Variants in USP7 observed in about 807,000 individuals in gnomAD.
USP7 encodes the protein ubiquitin C-terminal hydrolase 7.
In USP7, 9 loss-of-function variants were observed where a neutral mutation model predicts 162.9. The ratio of observed to expected loss-of-function variants is 0.06; its 90% CI spans 0.03 to 0.10. The LOEUF is 0.10. USP7 is among the 10% of genes least tolerant of loss of function. The pLI, the probability that USP7 is intolerant of heterozygous loss-of-function variation, is 1.00. For synonymous variants in USP7, 562 were observed against 475.9 expected, an observed-to-expected ratio of 1.18 and a Z score of -2.35; for missense variants, 715 against 1,373.7, an observed-to-expected ratio of 0.52 and a Z score of 7.58.
At chr16:8,916,191 G>A (rs1897360567) in intron 8 of USP7, among the ~76,000 whole-genome samples, 1 of 152,122 alleles carries the variant, frequency 6.6e-6, no homozygotes. Context: ...GGACCAACGG[G>A]ACAGCCAACA....
At chr16:8,934,249 G>T (rs1898549485) in intron 1 of USP7, among the ~76,000 whole-genome samples, 1 of 152,128 alleles carries the variant, frequency 6.6e-6, no homozygotes, top group African/African-American at 2.4e-5. Flanking sequence ...TCTAAAGTGT[G>T]GAAAATAATC....
chr16:8,923,580 TAC>T (rs1567227373), intron 2 of USP7, among the ~76,000 whole-genome samples, 167 bp from the exon 3 acceptor site: 1 of 152,196 alleles, frequency 6.6e-6, no homozygotes, highest in Non-Finnish European at 1.5e-5. Context: ...TGAGATAACA[TAC>T]AGTTTCTGAA....
Position 8,948,664 on chromosome 16 carries a change from C to T in USP7, c.79+14543G>A, listed in dbSNP as rs184278943. On this transcript the variant is annotated intron_variant, in intron 1 of 30. Transcript: ENST00000344836. ...AATATTATTCTGCGAGAAAAGGGAACGACTACTGGCTACGATGTGGATGAA... is the reference window on the plus strand; with the variant it reads ...AATATTATTCTGCGAGAAAAGGGAATGACTACTGGCTACGATGTGGATGAA... Among the ~76,000 whole-genome samples, 10 of 152,268 alleles carry T rather than the reference C, an allele frequency of 6.6e-5. No homozygotes were observed. The East Asian group carries it at 7.7e-4, about 12-fold the overall frequency.
intron 4 of USP7, 74 bp from the exon 5 acceptor site, chr16:8,920,521 G>A (rs950563151): frequency 7.9e-7 from 1 of 1,263,946 alleles, no homozygotes; most frequent in Non-Finnish European, 1.1e-6. Context: ...AATTACATTA[G>A]TGCCCTGTAC....
intron 1 of USP7, among the ~76,000 whole-genome samples, chr16:8,959,336 C>A (rs1484683808): frequency 6.9e-6 from 1 of 145,250 alleles, no homozygotes; most frequent in African/African-American, 2.5e-5. Flanking sequence ...ACCTCTTTCT[C>A]CTTTTCCAAA....
chr16:8,946,505 A>G (rs571832668), intron 1 of USP7, among the ~76,000 whole-genome samples: 17 of 152,368 alleles, frequency 1.1e-4, no homozygotes, highest in African/African-American at 4.1e-4. Context: ...CGAGCTACAG[A>G]CCAGCAGAAA....
chr16:8,895,226 A>G, intron 27 of USP7, 76 bp from the exon 28 acceptor site: 1 of 1,607,306 alleles, frequency 6.2e-7, no homozygotes, highest in Non-Finnish European at 8.5e-7. Flanking sequence ...CAATTCTCAC[A>G]CTACTCTAAC....
chr16:8,918,669 C>T (rs1040961471), intron 6 of USP7, among the ~76,000 whole-genome samples: 3 of 152,050 alleles, frequency 2.0e-5, no homozygotes, highest in Non-Finnish European at 4.4e-5. Context: ...ATTAGCTGGC[C>T]GTGGTGGCGG....
chr16:8,935,923 T>C (rs969521211), intron 1 of USP7: 4 of 152,256 alleles, frequency 2.6e-5, no homozygotes, highest in South Asian at 2.1e-4. Context: ...GGAAGTTACG[T>C]AGACCACTTC....
intron 1 of USP7, among the ~76,000 whole-genome samples, chr16:8,959,256 C>G (rs1450714543): frequency 6.6e-6 from 1 of 152,064 alleles, no homozygotes; most frequent in Non-Finnish European, 1.5e-5. Context: ...AGATTCAAAC[C>G]CAGGCATGGC....
intron 1 of USP7, among the ~76,000 whole-genome samples, chr16:8,957,929 G>A (rs1016081438): frequency 3.3e-5 from 5 of 152,006 alleles, no homozygotes; most frequent in South Asian, 2.1e-4. Flanking sequence ...TTACATTAAC[G>A]TTAAAAGCAA....
Position 8,936,723 on chromosome 16 carries a change from A to T in USP7, c.80-6326T>A. ...GAGCTCTACCTCAGCATTCTTTTTT[A>T]TTTTTTAAAGCATCCCACAGAAGCC... On this transcript the variant is annotated intron_variant, in intron 1 of 30. Coordinates refer to ENST00000344836, the MANE Select transcript of USP7 (RefSeq NM_003470.3). 4 of 1,407,776 alleles carry T rather than the reference A, an allele frequency of 2.8e-6. No homozygotes were observed. The South Asian group carries it at 4.4e-5, about 16-fold the overall frequency. The allele number at this position is 1,407,776 out of a possible 1,614,324, so 87.2% of individuals were successfully genotyped here.
chr16:8,907,666 A>G (rs1284360465), intron 12 of USP7, among the ~76,000 whole-genome samples: 1 of 152,122 alleles, frequency 6.6e-6, no homozygotes, highest in Non-Finnish European at 1.5e-5. Context: ...GCATAGTGAA[A>G]CCCTGTCTCT....
At chr16:8,959,405 A>T (rs570916898) in intron 1 of USP7, among the ~76,000 whole-genome samples, 1 of 152,104 alleles carries the variant, frequency 6.6e-6, no homozygotes, top group South Asian at 2.1e-4. Flanking sequence ...AGTATCGATC[A>T]TTTCATTACA....
At position 8,899,789 on chromosome 16, in the gene USP7, C is replaced by G. The variant is rs377045597; in HGVS notation, c.2310-32G>C. ...GAGGGAGAAAGTTTGCAGTCTGAATCAAAGTCCATGGCAGGGGGTAGCTGG... is the reference window on the plus strand; with the variant it reads ...GAGGGAGAAAGTTTGCAGTCTGAATGAAAGTCCATGGCAGGGGGTAGCTGG... On this transcript the variant is annotated intron_variant, in intron 21 of 30. Transcript: ENST00000344836. The G allele has an allele frequency of 4.3e-6, 7 of 1,613,634 alleles. No homozygotes were observed. The African/African-American group carries it at 9.3e-5, about 22-fold the overall frequency.
chr16:8,907,886 C>T (rs1031012345), intron 12 of USP7, among the ~76,000 whole-genome samples: 1 of 152,206 alleles, frequency 6.6e-6, no homozygotes, highest in Non-Finnish European at 1.5e-5. Context: ...ACTACTTTAG[C>T]ATTCTTGAAA....
At chr16:8,927,099 C>A (rs1898047494) in intron 2 of USP7, among the ~76,000 whole-genome samples, 1 of 152,104 alleles carries the variant, frequency 6.6e-6, no homozygotes, top group Non-Finnish European at 1.5e-5. Flanking sequence ...CGAGGCGAAT[C>A]ATGAGGTCAG....
chr16:8,912,741 CAGCAAG>C (rs2061967641), intron 10 of USP7, among the ~76,000 whole-genome samples: 1 of 149,764 alleles, frequency 6.7e-6, no homozygotes, highest in Non-Finnish European at 1.5e-5. Flanking sequence ...TGGCCTAACA[CAGCAAG>C]ACCTTGTCTC....
In USP7 at chr16:8,904,387, G is replaced by A. The variant is rs1304412962; in HGVS notation, c.1704+48C>T. On this transcript the variant is annotated intron_variant, in intron 15 of 30. Transcript: ENST00000344836. The stretch of plus-strand genomic sequence containing the variant: ...GACCTGCACTTGTGTATAGAGATGG[G>A]TGCCCGGCTGCATGGTGACCCGGAG... 5.6e-6 allele frequency: 9 copies of A among 1,603,824 alleles called. No homozygotes were observed. In the South Asian group the frequency reaches 1.0e-4, roughly 18 times the overall value.
Sources: gnomAD v4.1 joint callset for allele counts (sites outside exome capture counted in the v4.1 genomes callset) on GRCh38, gnomAD v4.1.1 for gene constraint, MANE v1.5 for transcripts, NCBI Gene and HGNC (gene_info 2026-07-23, HGNC 2026-07-21) for gene names.